Variants in FNDC1 observed in about 807,000 individuals in gnomAD.
The protein encoded by FNDC1 is fibronectin type III domain-containing protein 1.
In FNDC1, 96 loss-of-function variants were observed where a neutral mutation model predicts 168.0. That is an observed-to-expected ratio of 0.57 (90% CI 0.48 to 0.68). The LOEUF (loss-of-function observed/expected upper bound fraction) is 0.68, where lower values mean the gene tolerates loss of function less well. Ranked by LOEUF, FNDC1 falls within the 30% of genes least tolerant of loss-of-function variation. The probability of loss-of-function intolerance (pLI) is 0.00; values close to 1 mark genes in which losing one functional copy is unlikely to be tolerated. For synonymous variants in FNDC1, 1,099 were observed against 1,025.9 expected, an observed-to-expected ratio of 1.07 and a Z score of -1.36; for missense variants, 2,587 against 2,482.1, an observed-to-expected ratio of 1.04 and a Z score of -0.90.
chr6:159,248,142 G>A (rs1441780913), intron 15 of FNDC1, among the ~76,000 whole-genome samples: 2 of 152,134 alleles, frequency 1.3e-5, no homozygotes, highest in Non-Finnish European at 2.9e-5. Flanking sequence ...GAAAGCAAAC[G>A]AAGATTTTTT....
intron 1 of FNDC1, among the ~76,000 whole-genome samples, chr6:159,174,224 G>A (rs1224015213): frequency 6.6e-6 from 1 of 152,220 alleles, no homozygotes; most frequent in Admixed American, 6.5e-5. Flanking sequence ...ATGGAGAGCT[G>A]GGTCGCTGGG....
intron 17 of FNDC1, among the ~76,000 whole-genome samples, chr6:159,252,150 T>C (rs1310387465): frequency 6.6e-6 from 1 of 152,230 alleles, no homozygotes; most frequent in East Asian, 1.9e-4. Context: ...GCCAAGGACA[T>C]ATTTGAAGAT....
intron 14 of FNDC1, among the ~76,000 whole-genome samples, chr6:159,245,229 G>A (rs999307297): frequency 5.9e-5 from 9 of 152,192 alleles, no homozygotes; most frequent in Middle Eastern, 3.2e-3. Flanking sequence ...AATTTAAGAT[G>A]AGATTTGGGT....
In FNDC1 at chr6:159,169,512, G is replaced by T. The variant is rs915198514; in HGVS notation, c.-85G>T. On this transcript the variant is annotated 5_prime_UTR_variant, in exon 1 of 23. Transcript: ENST00000297267. The surrounding 1 kb of genome is among the most constrained non-coding windows in gnomAD (Gnocchi z 6.8). ...AGACGGACGGCGGCGGGGACCCGACGGCGGCGCCTCGGCACTCCCCAGACT... is the reference window on the plus strand; with the variant it reads ...AGACGGACGGCGGCGGGGACCCGACTGCGGCGCCTCGGCACTCCCCAGACT... 5.2e-5 allele frequency: 15 copies of T among 288,818 alleles called. No individual in the cohort carries two copies. The highest frequency in any genetic ancestry group is 3.2e-4 in the African/African-American group (14 of 43,934). The allele number at this position is 288,818 out of a possible 1,614,324, so 17.9% of individuals were successfully genotyped here. A position where few individuals can be genotyped will look rare whatever the true frequency, so the allele number is the denominator to read the frequency against.
In FNDC1 at chr6:159,271,809, T is replaced by G; in HGVS notation, c.*367T>G. 1 of 174,114 alleles carries G rather than the reference T, an allele frequency of 5.7e-6. No homozygotes were observed. The highest frequency in any genetic ancestry group is 1.2e-5 in the Non-Finnish European group (1 of 81,328). The allele number at this position is 174,114 out of a possible 1,614,324, so 10.8% of individuals were successfully genotyped here. A position where few individuals can be genotyped will look rare whatever the true frequency, so the allele number is the denominator to read the frequency against. On this transcript the variant is annotated 3_prime_UTR_variant, in exon 23 of 23. Coordinates refer to ENST00000297267, the MANE Select transcript of FNDC1 (RefSeq NM_032532.3). ...AATAGCATATGCACGCTGTTCTTGC[T>G]TCATGGAATGCTACATGCTTTCTGT...
chr6:159,204,992 C>A (rs1174029958), intron 4 of FNDC1, among the ~76,000 whole-genome samples: 3 of 152,098 alleles, frequency 2.0e-5, no homozygotes, highest in African/African-American at 7.2e-5. Context: ...CCCTCCTGAA[C>A]CCTCACTGCT....
intron 4 of FNDC1, among the ~76,000 whole-genome samples, chr6:159,208,844 A>ATTTTTTTTTTT (rs369408600): frequency 6.2e-5 from 8 of 128,080 alleles, no homozygotes; most frequent in African/African-American, 9.2e-5. Context: ...GTTATTTTTA[A>ATTTTTTTTTTT]TTTTTTTTTT....
intron 18 of FNDC1, among the ~76,000 whole-genome samples, chr6:159,258,813 T>C (rs1386197807): frequency 6.6e-6 from 1 of 152,232 alleles, no homozygotes; most frequent in African/African-American, 2.4e-5. Context: ...GTCACTAGAA[T>C]GCAGATCATA....
chr6:159,171,528 G>A (rs1462250783), intron 1 of FNDC1, among the ~76,000 whole-genome samples: 1 of 152,116 alleles, frequency 6.6e-6, no homozygotes, highest in Non-Finnish European at 1.5e-5. Flanking sequence ...ACCCTTTTGG[G>A]GCCAGAATCT....
chr6:159,230,227 T>G (rs1206669428), intron 10 of FNDC1, among the ~76,000 whole-genome samples: 2 of 152,250 alleles, frequency 1.3e-5, no homozygotes, highest in African/African-American at 4.8e-5. Flanking sequence ...ATTTCAGTAT[T>G]ATTAATGTAT....
intron 19 of FNDC1, among the ~76,000 whole-genome samples, chr6:159,262,181 A>G (rs1456727320): frequency 1.3e-5 from 2 of 152,210 alleles, no homozygotes; most frequent in South Asian, 2.1e-4. Flanking sequence ...TTCTTGGCCT[A>G]GAGACTTTTC....
In FNDC1 at chr6:159,177,425, C is replaced by T. The variant is rs1402804079; in HGVS notation, c.109+7720C>T. On this transcript the variant is annotated intron_variant, in intron 1 of 22. Coordinates refer to ENST00000297267, the MANE Select transcript of FNDC1 (RefSeq NM_032532.3). ...ATTTGTCTGGAGATGAAGTCTCATCCACAGTCACCCATGGCGGAACTCACG... is the reference window on the plus strand; with the variant it reads ...ATTTGTCTGGAGATGAAGTCTCATCTACAGTCACCCATGGCGGAACTCACG... 2.6e-5 allele frequency among the ~76,000 whole-genome samples: 4 copies of T among 152,054 alleles called. No homozygotes were observed. In the South Asian group the frequency reaches 6.2e-4, roughly 24 times the overall value.
chr6:159,213,297 T>C (rs539118179), intron 4 of FNDC1, among the ~76,000 whole-genome samples: 1 of 152,322 alleles, frequency 6.6e-6, no homozygotes, highest in Non-Finnish European at 1.5e-5. Flanking sequence ...CGGCAGACAC[T>C]GCAGGCAACA....
intron 5 of FNDC1, among the ~76,000 whole-genome samples, chr6:159,217,188 G>A (rs184119518): frequency 5.9e-5 from 9 of 152,364 alleles, no homozygotes; most frequent in East Asian, 5.8e-4. Flanking sequence ...AGACAAGGGC[G>A]TGGTAAAGGA....
chr6:159,249,147 A>C lies in FNDC1; in HGVS notation c.4799A>C (p.Glu1600Ala). 6.2e-7 allele frequency: 1 copy of C among 1,611,540 alleles called. No homozygotes were observed. The highest frequency in any genetic ancestry group is 8.5e-7 in the Non-Finnish European group (1 of 1,178,842). The change falls in exon 16 of 23, where the codon GAA (glutamate) becomes GCA (alanine). Residue 1600 changes from glutamate (E) to alanine (A), a missense_variant. Glu to Ala is a moderately radical substitution (Grantham distance 107). Coordinates refer to ENST00000297267, the MANE Select transcript of FNDC1 (RefSeq NM_032532.3). ...EEGAISSFPE[E>A]EFDLAGRKRF... ...GGCGCCATCAGTTCCTTTCCTGAAG[A>C]AGAATTTGATCTGGCTGGAAGGAAA...
At chr6:159,209,715 G>A (rs771281485) in intron 4 of FNDC1, among the ~76,000 whole-genome samples, 2 of 152,146 alleles carry the variant, frequency 1.3e-5, no homozygotes, top group Admixed American at 6.5e-5. Context: ...AGGTTCTTTG[G>A]GCTTCCACGA....
intron 13 of FNDC1, 45 bp downstream of exon 13, chr6:159,238,710 C>T: frequency 7.8e-7 from 1 of 1,282,040 alleles, no homozygotes; most frequent in Non-Finnish European, 1.1e-6. Context: ...ACTGAATTAG[C>T]CATAGAATTA....
At chr6:159,261,977 G>T (rs1208315436) in intron 19 of FNDC1, among the ~76,000 whole-genome samples, 1 of 152,104 alleles carries the variant, frequency 6.6e-6, no homozygotes, top group Non-Finnish European at 1.5e-5. Context: ...GCCTAGTGGT[G>T]CATGTCTGTA....
intron 6 of FNDC1, among the ~76,000 whole-genome samples, chr6:159,222,298 T>C (rs1007727706): frequency 6.6e-6 from 1 of 152,232 alleles, no homozygotes; most frequent in Admixed American, 6.5e-5. Flanking sequence ...ATTATTTTCA[T>C]GAGTTCACAA....
Sources: gnomAD v4.1 joint callset for allele counts (sites outside exome capture counted in the v4.1 genomes callset) on GRCh38, gnomAD v4.1.1 for gene constraint, Gnocchi (gnomAD v3.1) non-coding constraint, MANE v1.5 for transcripts, NCBI Gene and HGNC (gene_info 2026-07-23, HGNC 2026-07-21) for gene names.